Variants in GATAD2B observed in about 807,000 individuals in gnomAD.
GATAD2B encodes the protein GATA zinc finger domain containing 2B.
GATAD2B carries 8 observed loss-of-function variants against 64.3 expected under a neutral mutation model. That is an observed-to-expected ratio of 0.12 (90% CI 0.07 to 0.22). The LOEUF is 0.22. GATAD2B is among the 10% of genes least tolerant of loss of function. The pLI is 1.00. For missense variants in GATAD2B, 453 were observed against 752.0 expected (o/e 0.60, Z 4.65); for synonymous variants, 281 against 271.3 (o/e 1.04, Z -0.35).
Position 153,808,791 on chromosome 1 carries a change from G to A in GATAD2B, c.*1386C>T, listed in dbSNP as rs1360341808. 4 of 123,084 alleles carry A rather than the reference G, an allele frequency of 3.2e-5. No individual in the cohort carries two copies. Among genetic ancestry groups the A allele is most frequent in the Non-Finnish European group, 6.4e-5 (4 of 62,144 alleles). The allele number at this position is 123,084 out of a possible 1,614,324, so 7.6% of individuals were successfully genotyped here. ...ACAATTCAATTCATTCTCTACATTA[G>A]TAGCGCTTAAAAAAAAAAAAAAAAA... On this transcript the variant is annotated 3_prime_UTR_variant, in exon 11 of 11. Transcript: ENST00000368655.
intron 1 of GATAD2B, among the ~76,000 whole-genome samples, chr1:153,851,109 TCTC>T (rs1675883339): frequency 6.6e-6 from 1 of 151,894 alleles, no homozygotes; most frequent in African/African-American, 2.4e-5. Flanking sequence ...CTCCCCAATT[TCTC>T]CTCCCCCTCA....
At chr1:153,886,733 G>A (rs895890866) in intron 1 of GATAD2B, among the ~76,000 whole-genome samples, 14 of 148,398 alleles carry the variant, frequency 9.4e-5, no homozygotes, top group Admixed American at 6.7e-4. Flanking sequence ...TTTTTTTTTC[G>A]TATTTTTAGT....
chr1:153,815,518 G>T (rs910712300), intron 7 of GATAD2B, among the ~76,000 whole-genome samples: 6 of 151,692 alleles, frequency 4.0e-5, no homozygotes, highest in African/African-American at 1.5e-4. Flanking sequence ...CACCGTAGTT[G>T]TTTCACTTAA....
At chr1:153,889,400 G>A (rs1372186993) in intron 1 of GATAD2B, among the ~76,000 whole-genome samples, 7 of 81,378 alleles carry the variant, frequency 8.6e-5, no homozygotes, top group South Asian at 4.9e-4. Flanking sequence ...CAACAAGAGC[G>A]AAACCCCGTC....
intron 1 of GATAD2B, among the ~76,000 whole-genome samples, chr1:153,845,163 A>G (rs1297100541): frequency 1.3e-5 from 2 of 152,190 alleles, no homozygotes; most frequent in Non-Finnish European, 2.9e-5. Flanking sequence ...TGAAAACTAC[A>G]ATGGATATAA....
intron 1 of GATAD2B, among the ~76,000 whole-genome samples, chr1:153,867,054 A>G (rs1676503260): frequency 6.6e-6 from 1 of 152,148 alleles, no homozygotes; most frequent in African/African-American, 2.4e-5. Flanking sequence ...CTGGTATTAC[A>G]GACTCAAGCC....
At position 153,917,924 on chromosome 1, in the gene GATAD2B, G is replaced by A. The variant is rs538426729; in HGVS notation, c.-2+4809C>T. Among the ~76,000 whole-genome samples, 6 of 152,290 alleles carry A rather than the reference G, an allele frequency of 3.9e-5. No individual in the cohort carries two copies. The East Asian group carries it at 1.2e-3, about 29-fold the overall frequency. On this transcript the variant is annotated intron_variant, in intron 1 of 10. Coordinates refer to ENST00000368655, the MANE Select transcript of GATAD2B (RefSeq NM_020699.4). ...GACAATACAATTTTAAAGAAAGGAA[G>A]GATAAGACTTCATTAAAAAGGTGAC...
chr1:153,890,610 T>C (rs1234664104), intron 1 of GATAD2B: 1 of 151,846 alleles, frequency 6.6e-6, no homozygotes, highest in East Asian at 1.9e-4. Flanking sequence ...CCGCAGAGGA[T>C]GAAAAAGCGG....
At chr1:153,897,271 C>T (rs1402676128) in intron 1 of GATAD2B, among the ~76,000 whole-genome samples, 1 of 152,040 alleles carries the variant, frequency 6.6e-6, no homozygotes, top group South Asian at 2.1e-4. Context: ...CCTCGTGATC[C>T]GCCCACCTCG....
intron 1 of GATAD2B, chr1:153,853,163 G>C (rs1170141310): frequency 2.9e-6 from 4 of 1,371,834 alleles, no homozygotes; most frequent in Non-Finnish European, 4.2e-6. Flanking sequence ...GCCCCTTACA[G>C]ACACGGATAT....
At chr1:153,865,289 G>A (rs554657424) in intron 1 of GATAD2B, among the ~76,000 whole-genome samples, 6 of 151,996 alleles carry the variant, frequency 3.9e-5, no homozygotes, top group African/African-American at 1.4e-4. Flanking sequence ...GTGAAACCCC[G>A]TCTCTACTAA....
intron 1 of GATAD2B, among the ~76,000 whole-genome samples, chr1:153,847,787 CT>C (rs1398091415): frequency 1.3e-5 from 2 of 152,122 alleles, no homozygotes; most frequent in African/African-American, 4.8e-5. Context: ...TGTCTCATCT[CT>C]TTTTTTCATA....
At chr1:153,919,027 T>C (rs1319372592) in intron 1 of GATAD2B, among the ~76,000 whole-genome samples, 2 of 152,122 alleles carry the variant, frequency 1.3e-5, no homozygotes, top group Non-Finnish European at 2.9e-5. Context: ...CTCAGGAATA[T>C]GGAATTGCTA....
chr1:153,822,194 A>AT (rs1034970629), intron 2 of GATAD2B, among the ~76,000 whole-genome samples: 1 of 152,172 alleles, frequency 6.6e-6, no homozygotes, highest in African/African-American at 2.4e-5. Context: ...AAAATTAAAA[A>AT]TAAATAAAAA....
At chr1:153,814,803 C>T (rs113422987) in intron 7 of GATAD2B, among the ~76,000 whole-genome samples, 41,125 of 151,466 alleles carry the variant, frequency 0.27, 6,136 homozygotes, top group Admixed American at 0.39. Context: ...TTGTGAAACC[C>T]CGTCTCTAAG....
chr1:153,894,735 G>A (rs770544151), intron 1 of GATAD2B, among the ~76,000 whole-genome samples: 2 of 152,156 alleles, frequency 1.3e-5, no homozygotes, highest in Non-Finnish European at 2.9e-5. Flanking sequence ...GGTGGCACGC[G>A]CCTGCAGTCC....
chr1:153,833,619 A>G (rs1675152068), intron 1 of GATAD2B, among the ~76,000 whole-genome samples: 1 of 152,136 alleles, frequency 6.6e-6, no homozygotes, highest in Admixed American at 6.6e-5. Flanking sequence ...GTTCGAGACC[A>G]GTCTGACCAA....
chr1:153,814,348 G>GT (rs1345632757), intron 7 of GATAD2B, among the ~76,000 whole-genome samples: 7 of 152,334 alleles, frequency 4.6e-5, no homozygotes, highest in African/African-American at 1.7e-4. Flanking sequence ...GTATGGTTTA[G>GT]TATTGGTTTA....
chr1:153,848,315 C>T (rs1004267737), intron 1 of GATAD2B, among the ~76,000 whole-genome samples: 2 of 152,174 alleles, frequency 1.3e-5, no homozygotes, highest in African/African-American at 4.8e-5. Context: ...TTTTCCAGGT[C>T]ACTAATTACC....
Sources: gnomAD v4.1 joint callset for allele counts (sites outside exome capture counted in the v4.1 genomes callset) on GRCh38, gnomAD v4.1.1 for gene constraint, MANE v1.5 for transcripts, NCBI Gene and HGNC (gene_info 2026-07-23, HGNC 2026-07-21) for gene names.